Variants in HMCES observed in about 807,000 individuals in gnomAD.
HMCES encodes the protein 5-hydroxymethylcytosine binding, ES cell specific.
HMCES carries 27 observed loss-of-function variants against 35.1 expected under a neutral mutation model. That is an observed-to-expected ratio of 0.77 (90% CI 0.57 to 1.06). The LOEUF is 1.06. HMCES is among the 50% of genes least tolerant of loss of function. The pLI is 0.00. For synonymous variants in HMCES, 130 were observed against 154.7 expected (o/e 0.84, Z 1.18); for missense variants, 391 against 430.4 (o/e 0.91, Z 0.81).
chr3:129,298,241 G>GCTGA, intron 4 of HMCES, 113 bp from the exon 5 acceptor site: 1 of 953,750 alleles, frequency 1.0e-6, no homozygotes. Flanking sequence ...TAAGACGTGG[G>GCTGA]CTGAATTACT....
At chr3:129,292,682 C>T (rs768158961) in intron 4 of HMCES, among the ~76,000 whole-genome samples, 1 of 151,478 alleles carries the variant, frequency 6.6e-6, no homozygotes, top group Non-Finnish European at 1.5e-5. Context: ...TTAGTAGAGA[C>T]GCGGTGTTAG....
chr3:129,299,073 G>A (rs765937825), intron 5 of HMCES, among the ~76,000 whole-genome samples: 2 of 152,214 alleles, frequency 1.3e-5, no homozygotes, highest in Non-Finnish European at 2.9e-5. Context: ...GTGTGACCCC[G>A]GGAGGTGGAG....
intron 5 of HMCES, among the ~76,000 whole-genome samples, chr3:129,300,355 G>A (rs535294769): frequency 9.9e-5 from 15 of 152,246 alleles, no homozygotes; most frequent in African/African-American, 3.4e-4. Flanking sequence ...ATGAAACTGT[G>A]CATAAGCAAA....
intron 4 of HMCES, among the ~76,000 whole-genome samples, chr3:129,296,548 A>C (rs770438223): frequency 4.6e-5 from 7 of 151,680 alleles, no homozygotes; most frequent in Non-Finnish European, 1.0e-4. Flanking sequence ...TGGTTCTGTT[A>C]ATTTCTATAT....
At position 129,292,554 on chromosome 3, in the gene HMCES, G is replaced by A. The variant is rs182692627; in HGVS notation, c.453+1750G>A. 5.5e-3 allele frequency among the ~76,000 whole-genome samples: 828 copies of A among 149,248 alleles called. 5 individuals are homozygous for A. The highest frequency in any genetic ancestry group is 0.015 in the African/African-American group (613 of 40,580). On this transcript the variant is annotated intron_variant, in intron 4 of 6. Coordinates refer to ENST00000383463, the MANE Select transcript of HMCES (RefSeq NM_020187.3). The stretch of plus-strand genomic sequence containing the variant: ...GTTGCCCAGGCTGGAGTGCAGTGGC[G>A]TGATCTCGGCTCACTGCAGCCTCTG...
At chr3:129,284,460 AT>A (rs1447610605) in intron 2 of HMCES, among the ~76,000 whole-genome samples, 2 of 152,228 alleles carry the variant, frequency 1.3e-5, no homozygotes, top group Non-Finnish European at 2.9e-5. Flanking sequence ...ACAAGGTCAT[AT>A]ATTGATCAGT....
In HMCES at chr3:129,288,837, T is replaced by G; in HGVS notation, c.184-17T>G. On this transcript the variant is annotated splice_polypyrimidine_tract_variant and intron_variant, in intron 2 of 6. Coordinates refer to ENST00000383463, the MANE Select transcript of HMCES (RefSeq NM_020187.3). Reference sequence around the variant, plus strand: ...ATTTCATTATGATCTCCTCACTAGATCTTCTCTCCGTGGCAGGATGCAGAC... The same window carrying G: ...ATTTCATTATGATCTCCTCACTAGAGCTTCTCTCCGTGGCAGGATGCAGAC... The G allele has an allele frequency of 6.7e-7, 1 of 1,489,452 alleles. No homozygotes were observed. The highest frequency in any genetic ancestry group is 1.8e-4 in the Middle Eastern group (1 of 5,522). 92.3% of individuals were successfully genotyped at this position (1,489,452 alleles called of 1,614,324 possible).
At chr3:129,302,217 G>C in intron 6 of HMCES, 75 bp downstream of exon 6, 1 of 1,285,628 alleles carries the variant, frequency 7.8e-7, no homozygotes. Context: ...TTCAGGATGT[G>C]GCCTTTTATG....
intron 4 of HMCES, among the ~76,000 whole-genome samples, chr3:129,297,504 T>C (rs2071108176): frequency 6.6e-6 from 1 of 152,112 alleles, no homozygotes; most frequent in Non-Finnish European, 1.5e-5. Flanking sequence ...ACAGTGAGGA[T>C]GGCTTCCTCC....
Position 129,279,320 on chromosome 3 carries a change from G to C in HMCES, c.-23-390G>C. The C allele has an allele frequency of 5.3e-6, 1 of 188,410 alleles. No individual in the cohort carries two copies. The highest frequency in any genetic ancestry group is 7.9e-5 in the South Asian group (1 of 12,724). 11.7% of individuals were successfully genotyped at this position (188,410 alleles called of 1,614,324 possible). Reference sequence around the variant, plus strand: ...GAGGTGACCGGTTGCTGGCCGGCGTGGGTCGCTGACCCCAGCGGGGACTGG... The same window carrying C: ...GAGGTGACCGGTTGCTGGCCGGCGTCGGTCGCTGACCCCAGCGGGGACTGG... On this transcript the variant is annotated intron_variant, in intron 1 of 6. Transcript: ENST00000383463. This position sits in a 1 kb window ranked among gnomAD's most constrained non-coding sequence, Gnocchi z 4.2.
At position 129,304,956 on chromosome 3, in the gene HMCES, TGTA is replaced by T; in HGVS notation, c.*134_*136del. The stretch of plus-strand genomic sequence containing the variant: ...GTGTTAGTTGACAGTTGTGGGCTCA[TGTA>T]GTCTTTTTTGCCATGAGTAGGAGCC... On this transcript the variant is annotated 3_prime_UTR_variant, in exon 7 of 7. Coordinates refer to ENST00000383463, the MANE Select transcript of HMCES (RefSeq NM_020187.3). The T allele has an allele frequency of 1.4e-6, 1 of 731,606 alleles. No individual in the cohort carries two copies. Among genetic ancestry groups the T allele is most frequent in the South Asian group, 1.8e-5 (1 of 55,194 alleles). The allele number at this position is 731,606 out of a possible 1,614,324, so 45.3% of individuals were successfully genotyped here.
At chr3:129,300,626 G>C (rs7648580) in intron 5 of HMCES, among the ~76,000 whole-genome samples, 2,215 of 152,248 alleles carry the variant, frequency 0.015, 54 homozygotes, top group African/African-American at 0.049. Context: ...GCCAGGCGCA[G>C]TGGCTCACAC....
chr3:129,300,726 C>G (rs1480022128), intron 5 of HMCES, among the ~76,000 whole-genome samples: 1 of 151,250 alleles, frequency 6.6e-6, no homozygotes, highest in East Asian at 1.9e-4. Flanking sequence ...GAAACCCCAT[C>G]TCTACTAAAA....
Position 129,288,917 on chromosome 3 carries a change from A to G in HMCES, c.247A>G (p.Lys83Glu), listed in dbSNP as rs1292722864. Residue 83 changes from lysine to glutamate, a missense_variant, in exon 3 of 7, where the codon AAA (lysine) becomes GAA (glutamate). Physicochemically the swap from Lys to Glu is moderately conservative, Grantham distance 56 (BLOSUM62 1). Coordinates refer to ENST00000383463, the MANE Select transcript of HMCES (RefSeq NM_020187.3). Reference protein sequence around the residue: ...MRWGLVPSWFKESDPSKLQFN... With the variant: ...MRWGLVPSWFEESDPSKLQFN... ...CTGGGGCTTGGTCCCTTCTTGGTTC[A>G]AAGAAAGTGATCCTTCCAAGCTGCA... The G allele has an allele frequency of 1.2e-6, 2 of 1,602,658 alleles. No individual in the cohort carries two copies. The highest frequency in any genetic ancestry group is 1.7e-6 in the Non-Finnish European group (2 of 1,170,764).
intron 6 of HMCES, among the ~76,000 whole-genome samples, chr3:129,302,850 C>G (rs935481061): frequency 7.0e-6 from 1 of 143,316 alleles, no homozygotes; most frequent in Non-Finnish European, 1.5e-5. Context: ...CCGTTCTCCA[C>G]AAAAAGGAAA....
At chr3:129,288,710 A>G in intron 2 of HMCES, 144 bp from the exon 3 acceptor site, 1 of 706,952 alleles carries the variant, frequency 1.4e-6, no homozygotes, top group South Asian at 4.5e-5. Context: ...AAAATAAAAA[A>G]ATTGTTTTCA....
chr3:129,295,445 A>AC (rs1553800788), intron 4 of HMCES, among the ~76,000 whole-genome samples: 2 of 151,216 alleles, frequency 1.3e-5, no homozygotes, highest in African/African-American at 2.4e-5. Context: ...AAAAAAAAAA[A>AC]CAAAAAAAAC....
intron 2 of HMCES, among the ~76,000 whole-genome samples, chr3:129,282,554 G>C (rs1940526407): frequency 1.3e-5 from 2 of 152,146 alleles, no homozygotes; most frequent in South Asian, 4.1e-4. Context: ...TGGGCCAGTG[G>C]TATGAATTTG....
chr3:129,282,295 CAAA>C (rs201242976), intron 2 of HMCES, among the ~76,000 whole-genome samples: 1 of 91,074 alleles, frequency 1.1e-5, no homozygotes, highest in Admixed American at 1.2e-4. Context: ...CTGTTTTTAA[CAAA>C]AAAAAAAAAA....
Sources: allele counts gnomAD v4.1 joint callset (sites outside exome capture counted in the v4.1 genomes callset), GRCh38; gene constraint gnomAD v4.1.1; non-coding constraint Gnocchi (gnomAD v3.1); transcripts MANE v1.5; gene names NCBI Gene and HGNC (gene_info 2026-07-23, HGNC 2026-07-21).